Variants in GPATCH8 observed in about 807,000 individuals in gnomAD.
GPATCH8 encodes G-patch domain containing 8, also known as G patch domain-containing protein 8.
GPATCH8 carries 18 observed loss-of-function variants against 118.3 expected under a neutral mutation model. The observed-to-expected ratio is 0.15, with a 90% CI of 0.11 to 0.23. GPATCH8 has a LOEUF of 0.23. Among genes scored for constraint, GPATCH8 ranks in the 10% least tolerant of loss-of-function variants. The pLI is 1.00. For missense variants in GPATCH8, 1,631 were observed against 1,873.8 expected (o/e 0.87, Z 2.39); for synonymous variants, 659 against 684.7 (o/e 0.96, Z 0.59).
chr17:44,426,880 T>TCTCTCTCA (rs2050110414), intron 5 of GPATCH8, among the ~76,000 whole-genome samples: 1 of 150,772 alleles, frequency 6.6e-6, no homozygotes, highest in South Asian at 2.1e-4. Context: ...TCTCTCTCTC[T>TCTCTCTCA]CACACTCTCT....
intron 6 of GPATCH8, among the ~76,000 whole-genome samples, chr17:44,409,676 C>T (rs1462802487): frequency 6.6e-6 from 1 of 152,214 alleles, no homozygotes; most frequent in African/African-American, 2.4e-5. Context: ...GATTTCACCT[C>T]TCTGAGTTCC....
chr17:44,471,422 C>G (rs1412480761), intron 2 of GPATCH8, among the ~76,000 whole-genome samples: 1 of 152,134 alleles, frequency 6.6e-6, no homozygotes, highest in African/African-American at 2.4e-5. Context: ...CTCACAATAA[C>G]CCTTCACACA....
chr17:44,396,537 T>C lies in GPATCH8; in HGVS notation c.*1031A>G, dbSNP rs999351878. On this transcript the variant is annotated 3_prime_UTR_variant, in exon 8 of 8. Transcript: ENST00000591680. ...ATAAGTTTGGTAAAATATACATGCTTAGTCAGTTTTGCATCTAGCAGAAAA... is the reference window on the plus strand; with the variant it reads ...ATAAGTTTGGTAAAATATACATGCTCAGTCAGTTTTGCATCTAGCAGAAAA... The C allele has an allele frequency of 6.7e-6, 3 of 449,420 alleles. No individual in the cohort carries two copies. The highest frequency in any genetic ancestry group is 7.0e-5 in the East Asian group (1 of 14,386). The allele number at this position is 449,420 out of a possible 1,614,324, so 27.8% of individuals were successfully genotyped here.
intron 3 of GPATCH8, among the ~76,000 whole-genome samples, chr17:44,441,054 T>A (rs1027808024): frequency 6.6e-6 from 1 of 152,166 alleles, no homozygotes; most frequent in Non-Finnish European, 1.5e-5. Flanking sequence ...TTTCACCATA[T>A]TGGCCAGGAT....
intron 7 of GPATCH8, among the ~76,000 whole-genome samples, chr17:44,404,566 C>T (rs1269988473): frequency 1.3e-5 from 2 of 152,194 alleles, no homozygotes; most frequent in African/African-American, 4.8e-5. Flanking sequence ...AATAATCACT[C>T]CTCACAACAA....
chr17:44,417,805 T>C (rs1390443605), intron 6 of GPATCH8, among the ~76,000 whole-genome samples: 1 of 152,186 alleles, frequency 6.6e-6, no homozygotes, highest in Non-Finnish European at 1.5e-5. Context: ...TCACAGCTAG[T>C]TGCAGAATGA....
intron 3 of GPATCH8, among the ~76,000 whole-genome samples, chr17:44,449,864 G>C (rs906306728): frequency 7.9e-5 from 12 of 152,128 alleles, no homozygotes; most frequent in Admixed American, 3.9e-4. Flanking sequence ...AAAGCCATAA[G>C]ACTAATAATG....
intron 1 of GPATCH8, among the ~76,000 whole-genome samples, chr17:44,497,462 C>G (rs1969742810): frequency 6.6e-6 from 1 of 151,272 alleles, no homozygotes; most frequent in Admixed American, 6.6e-5. Context: ...TGGTGACACA[C>G]CTGTAGCCCC....
rs1235598538 is a variant in GPATCH8 at position 44,397,305 on chromosome 17, G to A, written c.*263C>T. On this transcript the variant is annotated 3_prime_UTR_variant, in exon 8 of 8. Transcript: ENST00000591680. ...TGGAGATGTTGCTGCAGAGGGGTGGGTAGCACTTACTGGTGTTCCCTAGCT... is the reference window on the plus strand; with the variant it reads ...TGGAGATGTTGCTGCAGAGGGGTGGATAGCACTTACTGGTGTTCCCTAGCT... The A allele has an allele frequency of 7.8e-6, 5 of 640,250 alleles. No individual in the cohort carries two copies. The highest frequency in any genetic ancestry group is 3.6e-5 in the African/African-American group (2 of 55,962). The allele number at this position is 640,250 out of a possible 1,614,324, so 39.7% of individuals were successfully genotyped here. A position where few individuals can be genotyped will look rare whatever the true frequency, so the allele number is the denominator to read the frequency against.
chr17:44,477,887 G>A (rs1967904516), intron 1 of GPATCH8, among the ~76,000 whole-genome samples: 2 of 152,146 alleles, frequency 1.3e-5, no homozygotes, highest in Admixed American at 1.3e-4. Flanking sequence ...TCAGCTCACT[G>A]CAAACAAGGC....
chr17:44,483,150 G>A (rs1179546414), intron 1 of GPATCH8, among the ~76,000 whole-genome samples: 2 of 2,458 alleles, frequency 8.1e-4, no homozygotes, highest in African/African-American at 9.8e-4. Flanking sequence ...GTGAGACTCC[G>A]TCTCAAAAAA....
At chr17:44,404,595 T>G (rs1567942237) in intron 7 of GPATCH8, among the ~76,000 whole-genome samples, 1 of 152,144 alleles carries the variant, frequency 6.6e-6, no homozygotes, top group African/African-American at 2.4e-5. Flanking sequence ...TGTTCTTATC[T>G]CTATCTTACA....
rs548901046 is a variant in GPATCH8 at position 44,410,300 on chromosome 17, T to C, written c.493-4249A>G. On this transcript the variant is annotated intron_variant, in intron 6 of 7. Transcript: ENST00000591680. ...GAGGAACACAACTATAGATAATTTC[T>C]TCAGGTGAGAATAGAGAAACATGCC... Among the ~76,000 whole-genome samples, 13 of 152,312 alleles carry C rather than the reference T, an allele frequency of 8.5e-5. No homozygotes were observed. In the South Asian group the frequency reaches 2.3e-3, roughly 27 times the overall value.
chr17:44,436,582 G>A, intron 3 of GPATCH8, 37 bp from the exon 4 acceptor site: 13 of 1,015,796 alleles, frequency 1.3e-5, no homozygotes, highest in Non-Finnish European at 1.9e-5. Context: ...AAGGTGCAAA[G>A]CCAAACCAAC....
At chr17:44,455,123 A>G (rs1245900045) in intron 3 of GPATCH8, among the ~76,000 whole-genome samples, 1 of 152,226 alleles carries the variant, frequency 6.6e-6, no homozygotes, top group African/African-American at 2.4e-5. Flanking sequence ...AGAAGGGAAA[A>G]GGTATAAATA....
intron 6 of GPATCH8, among the ~76,000 whole-genome samples, chr17:44,412,457 G>A (rs964423214): frequency 2.0e-5 from 3 of 151,920 alleles, no homozygotes; most frequent in African/African-American, 7.3e-5. Flanking sequence ...CAGAATTTTG[G>A]CTCACCACAA....
At chr17:44,431,318 G>A (rs2050303786) in intron 5 of GPATCH8, among the ~76,000 whole-genome samples, 1 of 144,832 alleles carries the variant, frequency 6.9e-6, no homozygotes, top group Non-Finnish European at 1.5e-5. Context: ...AGGTTGCAGT[G>A]AGCTGAGATT....
At chr17:44,462,049 G>A (rs1177703116) in intron 3 of GPATCH8, among the ~76,000 whole-genome samples, 1 of 152,134 alleles carries the variant, frequency 6.6e-6, no homozygotes, top group Non-Finnish European at 1.5e-5. Context: ...ATCATCCAAA[G>A]TAGGTGAGTA....
intron 3 of GPATCH8, among the ~76,000 whole-genome samples, chr17:44,460,946 C>A (rs1487490336): frequency 6.6e-6 from 1 of 152,166 alleles, no homozygotes; most frequent in Non-Finnish European, 1.5e-5. Flanking sequence ...CCTGCATGTA[C>A]ACTGCTGAAT....
Sources: gnomAD v4.1 joint callset for allele counts (sites outside exome capture counted in the v4.1 genomes callset) on GRCh38, gnomAD v4.1.1 for gene constraint, MANE v1.5 for transcripts, NCBI Gene and HGNC (gene_info 2026-07-23, HGNC 2026-07-21) for gene names.